The following RGS5 variants were observed in gnomAD, a reference collection of about 807,000 sequenced individuals.
The protein encoded by RGS5 is regulator of G-protein signalling 5.
Under a neutral mutation model 18.9 loss-of-function variants are expected in RGS5, and 20 were observed. The observed-to-expected ratio is 1.06, with a 90% confidence interval of 0.74 to 1.54. The LOEUF is 1.54. RGS5 is among the 40% of genes most tolerant of loss of function. The pLI is 0.00. For missense variants in RGS5, 201 were observed against 211.8 expected (o/e 0.95, Z 0.32); for synonymous variants, 57 against 76.2 (o/e 0.75, Z 1.31).
intron 2 of RGS5, among the ~76,000 whole-genome samples, chr1:163,280,024 T>C (rs1235299108): frequency 6.6e-6 from 1 of 151,976 alleles, no homozygotes; most frequent in Non-Finnish European, 1.5e-5. Context: ...AAAATTTCCC[T>C]TCTCCCTGCA....
chr1:163,175,327 T>G (rs1311325481), intron 1 of RGS5, among the ~76,000 whole-genome samples: 1 of 152,234 alleles, frequency 6.6e-6, no homozygotes, highest in African/African-American at 2.4e-5. Flanking sequence ...CGCGGGCCTA[T>G]CAAGAGGGAG....
intron 2 of RGS5, among the ~76,000 whole-genome samples, chr1:163,258,333 T>C (rs562552241): frequency 1.3e-5 from 2 of 152,282 alleles, no homozygotes; most frequent in Non-Finnish European, 1.5e-5. Context: ...TGTGGGTGGA[T>C]GGAATATGGA....
At chr1:163,309,684 C>T (rs1649802299) in intron 1 of RGS5, among the ~76,000 whole-genome samples, 1 of 152,138 alleles carries the variant, frequency 6.6e-6, no homozygotes, top group Non-Finnish European at 1.5e-5. Context: ...GAATTAACTT[C>T]TTCCAAATTC....
At chr1:163,312,146 G>A (rs1649885785) in intron 1 of RGS5, among the ~76,000 whole-genome samples, 1 of 152,174 alleles carries the variant, frequency 6.6e-6, no homozygotes, top group African/African-American at 2.4e-5. Context: ...GAGTTCTCAT[G>A]AGATCTGATG....
At chr1:163,183,606 T>C (rs1361947335) in intron 1 of RGS5, among the ~76,000 whole-genome samples, 1 of 152,202 alleles carries the variant, frequency 6.6e-6, no homozygotes, top group Non-Finnish European at 1.5e-5. Flanking sequence ...GCTGGTAAAA[T>C]AATAATGTTG....
At chr1:163,223,795 G>A (rs769048495) in intron 2 of RGS5, among the ~76,000 whole-genome samples, 2 of 152,062 alleles carry the variant, frequency 1.3e-5, no homozygotes, top group Admixed American at 6.6e-5. Context: ...TTATCTTAGC[G>A]TATAAACTAT....
intron 2 of RGS5, among the ~76,000 whole-genome samples, chr1:163,243,235 G>A (rs1162698247): frequency 2.0e-5 from 3 of 152,094 alleles, no homozygotes; most frequent in African/African-American, 7.2e-5. Flanking sequence ...AGTGGGAGAT[G>A]AACAGTGAGA....
intron 1 of RGS5, among the ~76,000 whole-genome samples, chr1:163,199,467 T>G (rs903946891): frequency 2.6e-5 from 4 of 152,198 alleles, no homozygotes; most frequent in Non-Finnish European, 5.9e-5. Flanking sequence ...TAATCTTTGT[T>G]AATTGTTGAA....
chr1:163,275,945 C>T (rs1049577642), intron 2 of RGS5, among the ~76,000 whole-genome samples: 1 of 152,098 alleles, frequency 6.6e-6, no homozygotes, highest in African/African-American at 2.4e-5. Context: ...AATGGGTACA[C>T]AGATGCTTAA....
In RGS5 at chr1:163,146,020, T is replaced by C. The variant is rs2102376443; in HGVS notation, c.*1322A>G. The C allele has an allele frequency of 6.6e-6, 1 of 152,322 alleles. No individual in the cohort carries two copies. Among genetic ancestry groups the C allele is most frequent in the Middle Eastern group, 3.4e-3 (1 of 294 alleles). The allele number at this position is 152,322 out of a possible 1,614,324, so 9.4% of individuals were successfully genotyped here. The stretch of plus-strand genomic sequence containing the variant: ...TTCTGTTACTAAATTCTGTGAATCA[T>C]TATTTAATCAAATCTACTAAAGATT... On this transcript the variant is annotated 3_prime_UTR_variant, in exon 5 of 5. Transcript: ENST00000313961.
chr1:163,280,018 T>C (rs1021672319), intron 2 of RGS5, among the ~76,000 whole-genome samples: 1 of 151,954 alleles, frequency 6.6e-6, no homozygotes, highest in African/African-American at 2.4e-5. Context: ...TAATAAAAAA[T>C]TTCCCTTCTC....
At chr1:163,166,062 C>T (rs1012307914) in intron 2 of RGS5, among the ~76,000 whole-genome samples, 3 of 151,906 alleles carry the variant, frequency 2.0e-5, no homozygotes, top group Non-Finnish European at 2.9e-5. Context: ...GCCATGAGTA[C>T]AGACTTCTGT....
At chr1:163,194,441 G>T (rs562215853) in intron 1 of RGS5, among the ~76,000 whole-genome samples, 1 of 152,268 alleles carries the variant, frequency 6.6e-6, no homozygotes, top group Non-Finnish European at 1.5e-5. Context: ...ATAAGAAAGT[G>T]TTGGAGCTGG....
chr1:163,283,554 T>C (rs1303978439), intron 2 of RGS5, among the ~76,000 whole-genome samples: 1 of 152,170 alleles, frequency 6.6e-6, no homozygotes, highest in Non-Finnish European at 1.5e-5. Context: ...CTCCATGAAA[T>C]TTCCACTCCG....
At chr1:163,160,784 T>C (rs1030606272) in intron 3 of RGS5, among the ~76,000 whole-genome samples, 2 of 152,256 alleles carry the variant, frequency 1.3e-5, no homozygotes, top group Non-Finnish European at 2.9e-5. Flanking sequence ...CAAAGTTTCA[T>C]ATTCCATTCT....
At chr1:163,221,687 C>G (rs1647231547), upstream of RGS5, among the ~76,000 whole-genome samples, 2 of 152,138 alleles carry the variant, frequency 1.3e-5, no homozygotes, top group East Asian at 3.9e-4. Context: ...AGCTGCATGC[C>G]ACTTATCAGG....
intron 2 of RGS5, among the ~76,000 whole-genome samples, chr1:163,242,371 C>A (rs956960591): frequency 1.1e-4 from 17 of 152,088 alleles, no homozygotes; most frequent in African/African-American, 4.1e-4. Context: ...ATGTGTTAAG[C>A]ATTATGCAAG....
intron 2 of RGS5, among the ~76,000 whole-genome samples, chr1:163,256,157 G>C (rs1214135920): frequency 6.6e-6 from 1 of 152,142 alleles, no homozygotes; most frequent in African/African-American, 2.4e-5. Context: ...ATTAGGAAAA[G>C]AGGAAGTCAA....
chr1:163,167,493 T>A (rs921003152), intron 2 of RGS5, among the ~76,000 whole-genome samples: 1 of 152,144 alleles, frequency 6.6e-6, no homozygotes, highest in African/African-American at 2.4e-5. Context: ...GCGGGGCCAA[T>A]GCACACTGTG....
Sources: gnomAD v4.1 joint callset for allele counts (sites outside exome capture counted in the v4.1 genomes callset) on GRCh38, gnomAD v4.1.1 for gene constraint, MANE v1.5 for transcripts, NCBI Gene and HGNC (gene_info 2026-07-23, HGNC 2026-07-21) for gene names.